KLHL3: variants seen among roughly 807,000 people sequenced by gnomAD.
KLHL3 encodes kelch-like protein 3.
A neutral mutation model predicts 70.5 loss-of-function variants in KLHL3; 19 were observed. That is an observed-to-expected ratio of 0.27 (90% CI 0.19 to 0.40). KLHL3 has a LOEUF of 0.40. Ranked by LOEUF, KLHL3 falls within the 10% of genes least tolerant of loss-of-function variation. The probability of loss-of-function intolerance (pLI) is 1.00; values close to 1 mark genes in which losing one functional copy is unlikely to be tolerated. For synonymous variants in KLHL3, 258 were observed against 290.3 expected, an observed-to-expected ratio of 0.89 and a Z score of 1.13; for missense variants, 512 against 771.1, an observed-to-expected ratio of 0.66 and a Z score of 3.98.
At chr5:137,638,907 G>A in intron 10 of KLHL3, 46 bp downstream of exon 10, 1 of 1,566,254 alleles carries the variant, frequency 6.4e-7, no homozygotes, top group South Asian at 1.1e-5. Flanking sequence ...TTGCATGGAG[G>A]ATGTGTCCCA....
In KLHL3 at chr5:137,658,436, TGCATTTTAAGA is replaced by T. The variant is rs538112018; in HGVS notation, c.754-167_754-157del. ...GAGTTACAACTTACTGCTCACCTCC[TGCATTTTAAGA>T]GCACAGTGGGATAAGGGATCAAGCT... On this transcript the variant is annotated intron_variant, in intron 7 of 14. Transcript: ENST00000309755. Among the ~76,000 whole-genome samples, 28 of 152,282 alleles carry T rather than the reference TGCATTTTAAGA, an allele frequency of 1.8e-4. No homozygotes were observed. In the East Asian group the frequency reaches 4.6e-3, roughly 25 times the overall value.
chr5:137,639,236 A>AC lies in KLHL3; in HGVS notation c.1022-87dup. The AC allele has an allele frequency of 3.0e-6, 4 of 1,345,710 alleles. No individual in the cohort carries two copies. The highest frequency in any genetic ancestry group is 4.2e-6 in the Non-Finnish European group (4 of 963,556). The allele number at this position is 1,345,710 out of a possible 1,614,324, so 83.4% of individuals were successfully genotyped here. A position where few individuals can be genotyped will look rare whatever the true frequency, so the allele number is the denominator to read the frequency against. Reference sequence around the variant, plus strand: ...GGATGGCAATGGAGGAGCAAGACAGACACAGGAAAAGTCGCCACCGAAGAT... The same window carrying AC: ...GGATGGCAATGGAGGAGCAAGACAGACCACAGGAAAAGTCGCCACCGAAGAT... On this transcript the variant is annotated intron_variant, in intron 9 of 14. Transcript: ENST00000309755. The surrounding 1 kb of genome is among the most constrained non-coding windows in gnomAD (Gnocchi z 5.0).
At chr5:137,669,148 G>A (rs929211101) in intron 6 of KLHL3, among the ~76,000 whole-genome samples, 3 of 152,110 alleles carry the variant, frequency 2.0e-5, no homozygotes, top group East Asian at 1.9e-4. Flanking sequence ...ACAAATTAGT[G>A]AGAAGACAGC....
chr5:137,731,957 C>T (rs1753185716), intron 1 of KLHL3, among the ~76,000 whole-genome samples: 1 of 152,144 alleles, frequency 6.6e-6, no homozygotes, highest in African/African-American at 2.4e-5. Context: ...ATTTCATCTT[C>T]CCAAACTGAA....
At chr5:137,640,734 C>CG (rs896387639) in intron 8 of KLHL3, among the ~76,000 whole-genome samples, 6 of 47,674 alleles carry the variant, frequency 1.3e-4, no homozygotes, top group Middle Eastern at 0.01. Context: ...AGGCCAGCCA[C>CG]CCCCCCCAAC....
chr5:137,665,783 A>G (rs1219504580), intron 6 of KLHL3, among the ~76,000 whole-genome samples: 1 of 152,086 alleles, frequency 6.6e-6, no homozygotes, highest in Non-Finnish European at 1.5e-5. Flanking sequence ...CCCCTAAAAC[A>G]CTTGGCCCTG....
rs750790387 is a variant in KLHL3 at position 137,677,616 on chromosome 5, G to T, written c.565C>A (p.Leu189Ile). Residue 189 changes from leucine to isoleucine, a missense_variant, in exon 6 of 15, where the codon CTT (leucine) becomes ATT (isoleucine). Physicochemically the swap from Leu to Ile is conservative, Grantham distance 5. Transcript: ENST00000309755. ...FPEVMLGEEF[L>I]SLSLDQVCSL... ...CACACCTGGTCCAGACTCAGGCTAAGAAATTCTTCTCCTAGCATCACCTCT... is the reference window on the plus strand; with the variant it reads ...CACACCTGGTCCAGACTCAGGCTAATAAATTCTTCTCCTAGCATCACCTCT... 2 of 1,606,164 alleles carry T rather than the reference G, an allele frequency of 1.2e-6. No individual in the cohort carries two copies. The highest frequency in any genetic ancestry group is 3.4e-5 in the Admixed American group (2 of 59,226).
intron 3 of KLHL3, among the ~76,000 whole-genome samples, chr5:137,699,332 G>A (rs1752517826): frequency 6.6e-6 from 1 of 152,158 alleles, no homozygotes; most frequent in Non-Finnish European, 1.5e-5. Flanking sequence ...GGTACATGGA[G>A]TAACAGTGAG....
At chr5:137,678,786 T>C (rs1751950021) in intron 5 of KLHL3, among the ~76,000 whole-genome samples, 2 of 151,772 alleles carry the variant, frequency 1.3e-5, no homozygotes, top group Non-Finnish European at 2.9e-5. Context: ...CTCTCAAATA[T>C]TGAGTTATAA....
intron 1 of KLHL3, 121 bp downstream of exon 1, chr5:137,735,512 A>G: frequency 1.3e-6 from 1 of 783,576 alleles, no homozygotes; most frequent in Non-Finnish European, 2.3e-6. Context: ...TTTAAGATCC[A>G]TCAGTGGCCA....
chr5:137,700,077 A>ACCCT (rs1391682373), intron 3 of KLHL3, among the ~76,000 whole-genome samples: 5 of 152,252 alleles, frequency 3.3e-5, no homozygotes, highest in Non-Finnish European at 7.3e-5. Flanking sequence ...TCTGACTGCC[A>ACCCT]GTGAAAGCCT....
chr5:137,647,942 G>A (rs1406781675), intron 8 of KLHL3, among the ~76,000 whole-genome samples: 1 of 152,204 alleles, frequency 6.6e-6, no homozygotes, highest in South Asian at 2.1e-4. Flanking sequence ...TTCATAACTT[G>A]TAATATCAGG....
intron 8 of KLHL3, among the ~76,000 whole-genome samples, chr5:137,647,069 G>A (rs1052663589): frequency 6.6e-6 from 1 of 152,196 alleles, no homozygotes; most frequent in African/African-American, 2.4e-5. Context: ...GAACTCCACT[G>A]TAGCAGAGAT....
chr5:137,709,426 G>A (rs1752750366), intron 3 of KLHL3, among the ~76,000 whole-genome samples: 1 of 152,240 alleles, frequency 6.6e-6, no homozygotes, highest in South Asian at 2.1e-4. Context: ...TGAGAGATCA[G>A]AAGACCTGGC....
chr5:137,698,514 G>GA, intron 3 of KLHL3, 106 bp from the exon 4 acceptor site: 4 of 1,282,714 alleles, frequency 3.1e-6, no homozygotes, highest in Non-Finnish European at 4.4e-6. Flanking sequence ...GCACTTCCTG[G>GA]GCTCCAGGAG....
At chr5:137,697,159 A>G (rs1049941354) in intron 4 of KLHL3, among the ~76,000 whole-genome samples, 14 of 88,068 alleles carry the variant, frequency 1.6e-4, no homozygotes, top group Non-Finnish European at 2.7e-4. Context: ...CTTCTTCCCA[A>G]TCTTTTTTTT....
intron 12 of KLHL3, chr5:137,628,898 ATTGCCTAGT>A (rs1040390452): frequency 1.2e-4 from 18 of 152,430 alleles, no homozygotes; most frequent in African/African-American, 4.1e-4. Flanking sequence ...GCCTATCTAT[ATTGCCTAGT>A]TTTCCTACAA....
intron 3 of KLHL3, among the ~76,000 whole-genome samples, chr5:137,701,926 C>T (rs1028778487): frequency 6.6e-6 from 1 of 152,242 alleles, no homozygotes; most frequent in African/African-American, 2.4e-5. Flanking sequence ...TAGCCCTTTC[C>T]ATCTTCCACT....
chr5:137,696,983 C>G (rs1210710104), intron 4 of KLHL3, among the ~76,000 whole-genome samples: 1 of 152,134 alleles, frequency 6.6e-6, no homozygotes, highest in Non-Finnish European at 1.5e-5. Flanking sequence ...CCCCAGATCT[C>G]TGACCCTTGT....
Sources: allele counts gnomAD v4.1 joint callset (sites outside exome capture counted in the v4.1 genomes callset), GRCh38; gene constraint gnomAD v4.1.1; non-coding constraint Gnocchi (gnomAD v3.1); transcripts MANE v1.5; gene names NCBI Gene and HGNC (gene_info 2026-07-23, HGNC 2026-07-21).